FKBP6: variants seen among roughly 807,000 people sequenced by gnomAD.
The protein encoded by FKBP6 is inactive peptidyl-prolyl cis-trans isomerase FKBP6.
A neutral mutation model predicts 41.7 loss-of-function variants in FKBP6; 29 were observed. That is an observed-to-expected ratio of 0.70 (90% CI 0.52 to 0.95). The LOEUF (loss-of-function observed/expected upper bound fraction) is 0.95, where lower values mean the gene tolerates loss of function less well. Ranked by LOEUF, FKBP6 falls within the 40% of genes least tolerant of loss-of-function variation. The pLI is 0.00. For synonymous variants in FKBP6, 130 were observed against 165.1 expected, an observed-to-expected ratio of 0.79 and a Z score of 1.63; for missense variants, 338 against 408.7, an observed-to-expected ratio of 0.83 and a Z score of 1.49.
intron 5 of FKBP6, among the ~76,000 whole-genome samples, chr7:73,333,635 T>A (rs1554548074): frequency 1.3e-5 from 2 of 152,204 alleles, no homozygotes; most frequent in Admixed American, 1.3e-4. Flanking sequence ...GCCACACAGC[T>A]CTTGTCCTGG....
At chr7:73,341,122 C>A in intron 6 of FKBP6, 151 bp from the exon 7 acceptor site, 1 of 754,344 alleles carries the variant, frequency 1.3e-6, no homozygotes. Flanking sequence ...TAGGGTTTTG[C>A]CGTGTTGGCC....
intron 5 of FKBP6, among the ~76,000 whole-genome samples, chr7:73,337,437 C>G (rs1246512310): frequency 6.6e-6 from 1 of 151,706 alleles, no homozygotes; most frequent in Non-Finnish European, 1.5e-5. Context: ...GCCTCAGCCT[C>G]CCAAGTAGCT....
chr7:73,349,546 CAA>C (rs1175280907), intron 8 of FKBP6, among the ~76,000 whole-genome samples: 9 of 48,686 alleles, frequency 1.8e-4, no homozygotes, highest in Admixed American at 2.4e-4. Context: ...TACTAAAATA[CAA>C]AAAAAAAAAA....
chr7:73,329,974 A>T, intron 3 of FKBP6, 176 bp from the exon 4 acceptor site: 1 of 658,602 alleles, frequency 1.5e-6, no homozygotes, highest in Non-Finnish European at 2.7e-6. Flanking sequence ...AGTTTGAATA[A>T]AATTTATATC....
chr7:73,341,009 C>T (rs551323260), intron 6 of FKBP6, among the ~76,000 whole-genome samples, 177 bp downstream of exon 6: 4 of 151,082 alleles, frequency 2.6e-5, no homozygotes, highest in South Asian at 2.1e-4. Flanking sequence ...CTGCAACCTC[C>T]GCTTCCTGGC....
At chr7:73,334,072 C>CA (rs202203926) in intron 5 of FKBP6, among the ~76,000 whole-genome samples, 6 of 149,942 alleles carry the variant, frequency 4.0e-5, no homozygotes, top group East Asian at 1.9e-4. Context: ...AACTCCATCT[C>CA]AAAAAAAAAG....
intron 8 of FKBP6, among the ~76,000 whole-genome samples, chr7:73,344,868 A>T (rs1266266948): frequency 6.6e-6 from 1 of 152,204 alleles, no homozygotes; most frequent in Non-Finnish European, 1.5e-5. Flanking sequence ...TACAGGCCTG[A>T]GCCACTGCAC....
At chr7:73,330,393 C>T (rs782156507) in intron 4 of FKBP6, 41 bp downstream of exon 4, 6 of 1,447,950 alleles carry the variant, frequency 4.1e-6, no homozygotes, top group South Asian at 1.1e-5. Context: ...TATAGAGAGA[C>T]GAATGGGTTG....
rs139557949 is a variant in FKBP6, at chr7:73,354,948, C to G, written c.*3-3233C>G. Reference sequence around the variant, plus strand: ...ACCTGCTGAGCCTTGATCCTCAGCTCTTTGTCCTCCGATTTCCGACAGAAA... The same window carrying G: ...ACCTGCTGAGCCTTGATCCTCAGCTGTTTGTCCTCCGATTTCCGACAGAAA... On this transcript the variant is annotated intron_variant, in intron 8 of 8. Transcript: ENST00000252037. 2.2e-4 allele frequency among the ~76,000 whole-genome samples: 34 copies of G among 152,352 alleles called. 1 individual carries two copies. Among genetic ancestry groups the G allele is most frequent in the African/African-American group, 8.2e-4 (34 of 41,584 alleles).
chr7:73,339,673 G>T (rs941039175), intron 5 of FKBP6, among the ~76,000 whole-genome samples: 7 of 149,872 alleles, frequency 4.7e-5, no homozygotes, highest in Admixed American at 2.0e-4. Flanking sequence ...GAGTGCAGTG[G>T]TGTGGTCTCG....
At chr7:73,352,564 C>T (rs1253710466) in intron 8 of FKBP6, among the ~76,000 whole-genome samples, 1 of 152,192 alleles carries the variant, frequency 6.6e-6, no homozygotes, top group Non-Finnish European at 1.5e-5. Flanking sequence ...ATCCTGTTCT[C>T]AAGACCTTTG....
chr7:73,357,103 A>G (rs1554552062), intron 8 of FKBP6, among the ~76,000 whole-genome samples: 1 of 151,762 alleles, frequency 6.6e-6, no homozygotes, highest in Non-Finnish European at 1.5e-5. Flanking sequence ...TCTTATTCAG[A>G]GCCTGATGGT....
At chr7:73,336,221 G>A (rs572553194) in intron 5 of FKBP6, among the ~76,000 whole-genome samples, 3 of 152,300 alleles carry the variant, frequency 2.0e-5, no homozygotes, top group African/African-American at 7.2e-5. Context: ...CATGGAGTTA[G>A]TGGCCTTATA....
At chr7:73,334,452 C>G (rs782506811) in intron 5 of FKBP6, among the ~76,000 whole-genome samples, 1 of 142,156 alleles carries the variant, frequency 7.0e-6, no homozygotes, top group Non-Finnish European at 1.5e-5. Context: ...TGGAAGCTTT[C>G]CTTGACTTTT....
chr7:73,355,337 T>C (rs1805599797), intron 8 of FKBP6, among the ~76,000 whole-genome samples: 2 of 152,250 alleles, frequency 1.3e-5, no homozygotes, highest in South Asian at 4.1e-4. Context: ...GTGCGATACA[T>C]GTATTGGGTT....
chr7:73,357,913 G>A (rs1427701493), intron 8 of FKBP6, among the ~76,000 whole-genome samples: 1 of 151,608 alleles, frequency 6.6e-6, no homozygotes, highest in African/African-American at 2.4e-5. Flanking sequence ...ACTTGAACCC[G>A]GGAGGCAGAG....
rs566355864 is a variant in FKBP6, at chr7:73,341,042, G to A, written c.783+210G>A. ...GGCTTCAAGCAATTTTCCTGCCTCA[G>A]CCTCTCAAGTAGCTGGGATTACAGG... On this transcript the variant is annotated intron_variant, in intron 6 of 8. Coordinates refer to ENST00000252037, the MANE Select transcript of FKBP6 (RefSeq NM_003602.5). Among the ~76,000 whole-genome samples the A allele has an allele frequency of 2.0e-5, 3 of 150,326 alleles. No individual in the cohort carries two copies. In the East Asian group the frequency reaches 5.9e-4, roughly 30 times the overall value.
At chr7:73,332,964 TTTAA>T (rs1172433270) in intron 5 of FKBP6, among the ~76,000 whole-genome samples, 2 of 152,126 alleles carry the variant, frequency 1.3e-5, no homozygotes, top group Non-Finnish European at 2.9e-5. Context: ...CTGTTTCCTT[TTTAA>T]TTTTATTCAT....
chr7:73,328,956 C>G (rs1480090008), intron 2 of FKBP6, among the ~76,000 whole-genome samples: 1 of 152,014 alleles, frequency 6.6e-6, no homozygotes, highest in African/African-American at 2.4e-5. Flanking sequence ...CAGGCGCGAT[C>G]CACCATGCCC....
Sources: gnomAD v4.1 joint callset for allele counts (sites outside exome capture counted in the v4.1 genomes callset) on GRCh38, gnomAD v4.1.1 for gene constraint, MANE v1.5 for transcripts, NCBI Gene and HGNC (gene_info 2026-07-23, HGNC 2026-07-21) for gene names.